The following DNAH7 variants were observed in gnomAD, a reference collection of about 807,000 sequenced individuals.
DNAH7 encodes the protein dynein axonemal heavy chain 7.
Under a neutral mutation model 444.6 loss-of-function variants are expected in DNAH7, and 397 were observed. That is an observed-to-expected ratio of 0.89 (90% CI 0.82 to 0.97). The LOEUF (loss-of-function observed/expected upper bound fraction) is 0.97. Among genes scored for constraint, DNAH7 ranks in the 50% least tolerant of loss-of-function variants. DNAH7 has a pLI of 0.00. For synonymous variants in DNAH7, 1,636 were observed against 1,624.4 expected, an observed-to-expected ratio of 1.01 and a Z score of -0.17; for missense variants, 4,902 against 4,800.8, an observed-to-expected ratio of 1.02 and a Z score of -0.62.
intron 19 of DNAH7, among the ~76,000 whole-genome samples, chr2:195,937,422 T>C (rs891214052): frequency 6.6e-6 from 1 of 152,192 alleles, no homozygotes; most frequent in African/African-American, 2.4e-5. Context: ...ATGGTGAACA[T>C]TCTCACTTGA....
At chr2:195,802,937 T>C (rs1163132797) in intron 54 of DNAH7, among the ~76,000 whole-genome samples, 1 of 152,224 alleles carries the variant, frequency 6.6e-6, no homozygotes, top group Admixed American at 6.5e-5. Context: ...CTCTCACTTA[T>C]AAGTGACAAC....
chr2:195,779,607 G>A (rs535963989), intron 58 of DNAH7, among the ~76,000 whole-genome samples: 1 of 151,386 alleles, frequency 6.6e-6, no homozygotes, highest in East Asian at 1.9e-4. Flanking sequence ...GTATTGTAGG[G>A]TTTTTTTTGT....
At chr2:195,844,006 A>G (rs1322322695) in intron 47 of DNAH7, among the ~76,000 whole-genome samples, 4 of 152,038 alleles carry the variant, frequency 2.6e-5, no homozygotes, top group East Asian at 1.9e-4. Context: ...TGAGGCAGGA[A>G]AATGTCATGA....
intron 48 of DNAH7, among the ~76,000 whole-genome samples, chr2:195,831,581 A>C (rs564030957): frequency 6.6e-6 from 1 of 152,376 alleles, no homozygotes; most frequent in South Asian, 2.1e-4. Context: ...TCTGCCATCT[A>C]TCTCTCCTTC....
chr2:195,992,102 G>C (rs1489717078), intron 12 of DNAH7, among the ~76,000 whole-genome samples: 1 of 152,160 alleles, frequency 6.6e-6, no homozygotes, highest in African/African-American at 2.4e-5. Context: ...TTGTGCAGCT[G>C]GCAAAGATAA....
chr2:195,793,885 G>A (rs1216056800), intron 57 of DNAH7, among the ~76,000 whole-genome samples: 2 of 152,058 alleles, frequency 1.3e-5, no homozygotes, highest in Admixed American at 6.6e-5. Context: ...GCCTGGTGAC[G>A]CTAAAAAAGA....
chr2:195,773,103 TTACCACATAC>T (rs1458773696), intron 60 of DNAH7, among the ~76,000 whole-genome samples: 1 of 152,186 alleles, frequency 6.6e-6, no homozygotes, highest in Non-Finnish European at 1.5e-5. Flanking sequence ...TTAACACTAC[TTACCACATAC>T]CACCATAATA....
chr2:195,778,640 ATAAATATATATATAT>A lies in DNAH7; in HGVS notation c.10879-670_10879-656del, dbSNP rs1207026643. Among the ~76,000 whole-genome samples the A allele has an allele frequency of 8.1e-5, 5 of 61,808 alleles. 1 individual carries two copies. The highest frequency in any genetic ancestry group is 1.1e-3 in the South Asian group (2 of 1,788). The allele number at this position is 61,808 out of a possible 152,430, so 40.5% of individuals were successfully genotyped here. A position where few individuals can be genotyped will look rare whatever the true frequency, so the allele number is the denominator to read the frequency against. The stretch of plus-strand genomic sequence containing the variant: ...TCTGAAAAAAAAAAAAAATAAATAA[ATAAATATATATATAT>A]ATATATATATATATACACACACACA... On this transcript the variant is annotated intron_variant, in intron 58 of 64. Coordinates refer to ENST00000312428, the MANE Select transcript of DNAH7 (RefSeq NM_018897.3).
At chr2:195,786,600 AG>A in intron 58 of DNAH7, among the ~76,000 whole-genome samples, 2 of 151,948 alleles carry the variant, frequency 1.3e-5, no homozygotes. Flanking sequence ...AAATGGTCCA[AG>A]CTCTGGAATA....
chr2:195,865,228 G>C (rs539593254), intron 40 of DNAH7, among the ~76,000 whole-genome samples: 3 of 152,264 alleles, frequency 2.0e-5, no homozygotes, highest in African/African-American at 4.8e-5. Context: ...TAAGGTTATA[G>C]TCAGTTATCA....
chr2:195,753,856 G>A (rs761111478), intron 63 of DNAH7, among the ~76,000 whole-genome samples: 1 of 152,056 alleles, frequency 6.6e-6, no homozygotes, highest in African/African-American at 2.4e-5. Flanking sequence ...TATAGGTTTT[G>A]GAATGACAGG....
chr2:195,845,043 T>TA lies in DNAH7; in HGVS notation c.8903dup (p.Leu2968PhefsTer4). On this transcript the variant is annotated frameshift_variant, in exon 47 of 65. Transcript: ENST00000312428. LOFTEE classifies it high-confidence loss of function. The stretch of plus-strand genomic sequence containing the variant: ...TATCAATGGAAAATGAGTCAGAAGG[T>TA]AATCCAGCAATATTCCAAGTTCGAA... The TA allele has an allele frequency of 6.2e-7, 1 of 1,613,864 alleles. No individual in the cohort carries two copies. The highest frequency in any genetic ancestry group is 1.1e-5 in the South Asian group (1 of 91,046).
intron 3 of DNAH7, among the ~76,000 whole-genome samples, chr2:196,050,299 A>G (rs1697382868): frequency 6.6e-6 from 1 of 152,076 alleles, no homozygotes; most frequent in Admixed American, 6.5e-5. Flanking sequence ...AGTCAAATAC[A>G]TAGAGACAAG....
intron 19 of DNAH7, among the ~76,000 whole-genome samples, chr2:195,949,050 T>G (rs886175604): frequency 6.6e-6 from 1 of 152,146 alleles, no homozygotes. Context: ...ATTCTTTTTG[T>G]AGGAATTGTG....
intron 2 of DNAH7, among the ~76,000 whole-genome samples, chr2:196,055,308 A>C (rs1697736525): frequency 6.6e-6 from 1 of 152,152 alleles, no homozygotes; most frequent in African/African-American, 2.4e-5. Flanking sequence ...ACACCACTGC[A>C]CTCCAGCCTG....
intron 47 of DNAH7, among the ~76,000 whole-genome samples, chr2:195,838,463 G>C (rs988657094): frequency 6.7e-6 from 1 of 149,010 alleles, no homozygotes; most frequent in African/African-American, 2.5e-5. Flanking sequence ...ATTCTCAGGA[G>C]AAAAAAAAAC....
At chr2:195,873,539 T>TAA in intron 39 of DNAH7, 29 bp downstream of exon 39, 40 of 1,115,822 alleles carry the variant, frequency 3.6e-5, no homozygotes, top group South Asian at 2.5e-4. Flanking sequence ...ACCTCCTAAT[T>TAA]AAAAAAAAAA....
At chr2:195,946,827 T>G (rs1689844490) in intron 19 of DNAH7, among the ~76,000 whole-genome samples, 2 of 151,462 alleles carry the variant, frequency 1.3e-5, no homozygotes, top group Admixed American at 6.6e-5. Flanking sequence ...TCCCCACCCC[T>G]GGAACTTCAT....
intron 63 of DNAH7, among the ~76,000 whole-genome samples, chr2:195,751,688 G>A (rs573006335): frequency 3.9e-5 from 6 of 152,298 alleles, no homozygotes; most frequent in African/African-American, 1.2e-4. Context: ...TCTAGAAACT[G>A]TCAGGAGGTT....
Sources: allele counts gnomAD v4.1 joint callset (sites outside exome capture counted in the v4.1 genomes callset), GRCh38; gene constraint gnomAD v4.1.1; transcripts MANE v1.5; gene names NCBI Gene and HGNC (gene_info 2026-07-23, HGNC 2026-07-21).